The following TSPAN9 variants were observed in gnomAD, a reference collection of about 807,000 sequenced individuals.
TSPAN9 encodes tetraspanin-9.
A neutral mutation model predicts 31.0 loss-of-function variants in TSPAN9; 16 were observed. The ratio of observed to expected loss-of-function variants is 0.52; its 90% CI spans 0.35 to 0.78. The LOEUF (loss-of-function observed/expected upper bound fraction) is 0.78, where lower values mean the gene tolerates loss of function less well. TSPAN9 is among the 30% of genes least tolerant of loss of function. The probability of loss-of-function intolerance (pLI) is 0.01; values close to 1 mark genes in which losing one functional copy is unlikely to be tolerated. For missense variants in TSPAN9, 272 were observed against 312.5 expected, an observed-to-expected ratio of 0.87 and a Z score of 0.98; for synonymous variants, 145 against 121.6, an observed-to-expected ratio of 1.19 and a Z score of -1.27.
chr12:3,248,278 G>A (rs1468082487), intron 3 of TSPAN9, among the ~76,000 whole-genome samples: 5 of 152,188 alleles, frequency 3.3e-5, no homozygotes. Flanking sequence ...TGCCTTTTCT[G>A]AACAGATTGG....
At chr12:3,238,680 A>G (rs2098395062) in intron 3 of TSPAN9, among the ~76,000 whole-genome samples, 1 of 152,178 alleles carries the variant, frequency 6.6e-6, no homozygotes, top group Non-Finnish European at 1.5e-5. Flanking sequence ...TTCTCCACTC[A>G]AAAAACGGGG....
intron 2 of TSPAN9, among the ~76,000 whole-genome samples, chr12:3,188,644 T>TG (rs1293882436): frequency 6.6e-6 from 1 of 151,896 alleles, no homozygotes; most frequent in Non-Finnish European, 1.5e-5. Context: ...GGCCGGAGCT[T>TG]GGGGGATGAG....
At chr12:3,085,540 G>A (rs889470204) in intron 2 of TSPAN9, among the ~76,000 whole-genome samples, 3 of 152,120 alleles carry the variant, frequency 2.0e-5, no homozygotes, top group South Asian at 2.1e-4. Context: ...TGCATTTCTC[G>A]TCATGCTCTG....
intron 2 of TSPAN9, among the ~76,000 whole-genome samples, chr12:3,109,293 T>TGA (rs1415766078): frequency 1.5e-4 from 17 of 117,092 alleles, no homozygotes; most frequent in African/African-American, 6.2e-4. Flanking sequence ...TGTGTGTGTG[T>TGA]GTGTGTGAGA....
At chr12:3,186,605 GTCTTTT>G (rs769644241) in intron 2 of TSPAN9, among the ~76,000 whole-genome samples, 11 of 141,980 alleles carry the variant, frequency 7.7e-5, no homozygotes, top group Non-Finnish European at 1.4e-4. Context: ...TAAGAACTTT[GTCTTTT>G]TCTTTGAGAG....
In TSPAN9 at chr12:3,143,832, C is replaced by T. The variant is rs2098335938; in HGVS notation, c.-17-57345C>T. Among the ~76,000 whole-genome samples the T allele has an allele frequency of 1.3e-5, 2 of 152,300 alleles. No homozygotes were observed. Among genetic ancestry groups the T allele is most frequent in the African/African-American group, 2.4e-5 (1 of 41,556 alleles). On this transcript the variant is annotated intron_variant, in intron 2 of 8. Transcript: ENST00000011898. This position sits in a 1 kb window ranked among gnomAD's most constrained non-coding sequence, Gnocchi z 4.2. ...ATGCTCCGGGTCGTGTTATGTTTCT[C>T]CTGCCCCAGGCCTGAATCAATCACT...
In TSPAN9 at chr12:3,107,617, G is replaced by A. The variant is rs751375853; in HGVS notation, c.-18+23898G>A. On this transcript the variant is annotated intron_variant, in intron 2 of 8. Transcript: ENST00000011898. This position sits in a 1 kb window ranked among gnomAD's most constrained non-coding sequence, Gnocchi z 4.1. ...CCTTTCTGTTTGGGGCACTGGCTTCGTGGTGGCCTCTTCCCTGTGGGACTG... is the reference window on the plus strand; with the variant it reads ...CCTTTCTGTTTGGGGCACTGGCTTCATGGTGGCCTCTTCCCTGTGGGACTG... Among the ~76,000 whole-genome samples, 157 of 152,162 alleles carry A rather than the reference G, an allele frequency of 1.0e-3. 1 individual carries two copies. The highest frequency in any genetic ancestry group is 1.9e-3 in the South Asian group (9 of 4,832).
In TSPAN9 at chr12:3,147,923, C is replaced by T. The variant is rs971859182; in HGVS notation, c.-17-53254C>T. On this transcript the variant is annotated intron_variant, in intron 2 of 8. Coordinates refer to ENST00000011898, the MANE Select transcript of TSPAN9 (RefSeq NM_006675.5). This position sits in a 1 kb window ranked among gnomAD's most constrained non-coding sequence, Gnocchi z 4.3. The stretch of plus-strand genomic sequence containing the variant: ...GTGGAGTCGGGTGGGTCGGGGGGCA[C>T]AGCTTGGCAGATAAAGGATGGGCTC... Among the ~76,000 whole-genome samples, 17 of 152,186 alleles carry T rather than the reference C, an allele frequency of 1.1e-4. No individual in the cohort carries two copies. The highest frequency in any genetic ancestry group is 4.1e-4 in the African/African-American group (17 of 41,518).
intron 2 of TSPAN9, among the ~76,000 whole-genome samples, chr12:3,133,854 A>G (rs183635776): frequency 2.8e-4 from 42 of 152,280 alleles, no homozygotes; most frequent in Non-Finnish European, 1.5e-5. Flanking sequence ...ATCACCCACC[A>G]TGGCACGGGG....
At chr12:3,186,546 TTGTGTGTGTGTG>T (rs61329208) in intron 2 of TSPAN9, among the ~76,000 whole-genome samples, 9 of 135,860 alleles carry the variant, frequency 6.6e-5, no homozygotes, top group African/African-American at 2.2e-4. Flanking sequence ...AGGAGTTTGT[TTGTGTGTGTGTG>T]TGTGTGTGTG....
chr12:3,083,824 G>A (rs2098299098), intron 2 of TSPAN9, 105 bp downstream of exon 2: 1 of 152,254 alleles, frequency 6.6e-6, no homozygotes, highest in Non-Finnish European at 1.5e-5. Context: ...CTGTGGGTTG[G>A]GCAGGATAGA....
At chr12:3,154,427 A>G (rs982303989) in intron 2 of TSPAN9, among the ~76,000 whole-genome samples, 1 of 152,236 alleles carries the variant, frequency 6.6e-6, no homozygotes, top group African/African-American at 2.4e-5. Context: ...TCAAAGCAAG[A>G]GAAATAGGTC....
intron 2 of TSPAN9, among the ~76,000 whole-genome samples, chr12:3,110,887 TG>T (rs2153965325): frequency 6.6e-6 from 1 of 152,340 alleles, no homozygotes; most frequent in South Asian, 2.1e-4. Context: ...GAACATGTGT[TG>T]ATTCTTCAAT....
At position 3,187,785 on chromosome 12, in the gene TSPAN9, C is replaced by T. The variant is rs762021968; in HGVS notation, c.-17-13392C>T. Among the ~76,000 whole-genome samples, 28 of 152,096 alleles carry T rather than the reference C, an allele frequency of 1.8e-4. No homozygotes were observed. Among genetic ancestry groups the T allele is most frequent in the African/African-American group, 3.9e-4 (16 of 41,400 alleles). ...GTTTGGATGCCATGCAAGCCCAACA[C>T]GTACCCCTTCTCCAAGAAGCCCTTC... On this transcript the variant is annotated intron_variant, in intron 2 of 8. Transcript: ENST00000011898. This position sits in a 1 kb window ranked among gnomAD's most constrained non-coding sequence, Gnocchi z 5.2.
chr12:3,084,960 C>T (rs1315876140), intron 2 of TSPAN9, among the ~76,000 whole-genome samples: 5 of 152,234 alleles, frequency 3.3e-5, no homozygotes, highest in African/African-American at 1.2e-4. Context: ...CCTCCCGCCT[C>T]CCTGGGGCCC....
intron 3 of TSPAN9, among the ~76,000 whole-genome samples, chr12:3,226,053 C>T (rs117330401): frequency 6.6e-6 from 1 of 152,194 alleles, no homozygotes; most frequent in East Asian, 1.9e-4. Context: ...TGTGGTTCTG[C>T]TGTCTCTCCT....
intron 2 of TSPAN9, among the ~76,000 whole-genome samples, chr12:3,190,037 C>T (rs1031664819): frequency 6.6e-6 from 1 of 152,172 alleles, no homozygotes; most frequent in Non-Finnish European, 1.5e-5. Flanking sequence ...GAATCTGGGG[C>T]GCTGGTTCTT....
At chr12:3,110,167 T>C (rs902982111) in intron 2 of TSPAN9, among the ~76,000 whole-genome samples, 3 of 152,096 alleles carry the variant, frequency 2.0e-5, no homozygotes, top group Non-Finnish European at 4.4e-5. Flanking sequence ...AGGTCCTTAG[T>C]CTGTGGACTG....
At chr12:3,242,072 C>G (rs920288130) in intron 3 of TSPAN9, among the ~76,000 whole-genome samples, 1 of 152,236 alleles carries the variant, frequency 6.6e-6, no homozygotes, top group East Asian at 1.9e-4. Context: ...CACCCTGCCA[C>G]CTCTAATGTT....
Sources: gnomAD v4.1 joint callset for allele counts (sites outside exome capture counted in the v4.1 genomes callset) on GRCh38, gnomAD v4.1.1 for gene constraint, Gnocchi (gnomAD v3.1) non-coding constraint, MANE v1.5 for transcripts, NCBI Gene and HGNC (gene_info 2026-07-23, HGNC 2026-07-21) for gene names.